ANKRD28: variants seen among roughly 807,000 people sequenced by gnomAD.
ANKRD28 encodes ankyrin repeat domain 28, also known as serine/threonine-protein phosphatase 6 regulatory ankyrin repeat subunit A.
A neutral mutation model predicts 126.5 loss-of-function variants in ANKRD28; 44 were observed. That is an observed-to-expected ratio of 0.35 (90% CI 0.27 to 0.45). The LOEUF (loss-of-function observed/expected upper bound fraction) is 0.45, where lower values mean the gene tolerates loss of function less well. Ranked by LOEUF, ANKRD28 falls within the 20% of genes least tolerant of loss-of-function variation. The pLI, the probability that ANKRD28 is intolerant of heterozygous loss-of-function variation, is 1.00. For synonymous variants in ANKRD28, 442 were observed against 468.5 expected, an observed-to-expected ratio of 0.94 and a Z score of 0.73; for missense variants, 1,110 against 1,316.6, an observed-to-expected ratio of 0.84 and a Z score of 2.43.
intron 2 of ANKRD28, among the ~76,000 whole-genome samples, chr3:15,777,929 C>T (rs148547701): frequency 6.0e-5 from 9 of 150,886 alleles, no homozygotes; most frequent in African/African-American, 1.7e-4. Context: ...CCCGTCAATA[C>T]CCACACATAA....
intron 8 of ANKRD28, among the ~76,000 whole-genome samples, chr3:15,717,445 T>C (rs1461531026): frequency 1.3e-5 from 2 of 152,156 alleles, no homozygotes; most frequent in Non-Finnish European, 2.9e-5. Context: ...AGTTATTTCT[T>C]TCTGAACTGG....
At chr3:15,741,720 T>A (rs936868211) in intron 4 of ANKRD28, among the ~76,000 whole-genome samples, 2 of 125,216 alleles carry the variant, frequency 1.6e-5, no homozygotes, top group African/African-American at 6.9e-5. Flanking sequence ...TTTTTTTTTT[T>A]TTTTTTTTTT....
At chr3:15,794,481 A>G (rs531762731) in intron 2 of ANKRD28, among the ~76,000 whole-genome samples, 1 of 152,292 alleles carries the variant, frequency 6.6e-6, no homozygotes, top group East Asian at 1.9e-4. Flanking sequence ...TCAGGGGTAC[A>G]TTTGTTTCTG....
At chr3:15,811,313 A>G (rs1481222481) in intron 1 of ANKRD28, among the ~76,000 whole-genome samples, 1 of 152,246 alleles carries the variant, frequency 6.6e-6, no homozygotes, top group Non-Finnish European at 1.5e-5. Context: ...TACTCAACTC[A>G]TTTAAGTAGG....
intron 1 of ANKRD28, among the ~76,000 whole-genome samples, chr3:15,795,673 C>T (rs1249173787): frequency 6.6e-6 from 1 of 152,036 alleles, no homozygotes; most frequent in Non-Finnish European, 1.5e-5. Context: ...TAAGCAATTT[C>T]CAGCCCATGA....
chr3:15,700,297 G>A (rs1268334304), intron 14 of ANKRD28, among the ~76,000 whole-genome samples: 1 of 152,024 alleles, frequency 6.6e-6, no homozygotes, highest in African/African-American at 2.4e-5. Context: ...GGGCCTGTCC[G>A]GGGTGGGGGC....
intron 3 of ANKRD28, chr3:15,756,479 CTTACA>C: frequency 1.0e-6 from 1 of 985,068 alleles, no homozygotes; most frequent in Non-Finnish European, 1.2e-6. Flanking sequence ...GATTTACTTA[CTTACA>C]TTAGTCTAGG....
chr3:15,738,779 A>G (rs1056058269), intron 4 of ANKRD28: 1 of 152,268 alleles, frequency 6.6e-6, no homozygotes, highest in Non-Finnish European at 1.5e-5. Context: ...AACTGGTCTG[A>G]CCAAAATTTA....
Position 15,667,466 on chromosome 3 carries a change from TA to T in ANKRD28, c.*2803del, listed in dbSNP as rs1370943103. The T allele has an allele frequency of 6.6e-6, 1 of 152,236 alleles. No individual in the cohort carries two copies. Among genetic ancestry groups the T allele is most frequent in the Non-Finnish European group, 1.5e-5 (1 of 68,050 alleles). 9.4% of individuals were successfully genotyped at this position (152,236 alleles called of 1,614,324 possible). On this transcript the variant is annotated 3_prime_UTR_variant, in exon 28 of 28. Coordinates refer to ENST00000683139, the MANE Select transcript of ANKRD28 (RefSeq NM_001349278.2). Reference sequence around the variant, plus strand: ...TATTTCAGATGTCATCTTTTATGTATAAGTTAAATAAAGCAAACAGGCTTTT... The same window carrying T: ...TATTTCAGATGTCATCTTTTATGTATAGTTAAATAAAGCAAACAGGCTTTT...
rs78671831 is a variant in ANKRD28, at chr3:15,691,707, T to C, written c.1762-1487A>G. ...ACTATCTCAAAGATTAAAGTGACTG[T>C]AGGTCACGGAATTCTACTGTTTTAG... On this transcript the variant is annotated intron_variant, in intron 17 of 27. Transcript: ENST00000683139. Among the ~76,000 whole-genome samples the C allele has an allele frequency of 0.022, 3,399 of 152,344 alleles. 230 individuals carry two copies. The East Asian group carries it at 0.24, about 11-fold the overall frequency.
chr3:15,744,705 C>T (rs1553616690), intron 4 of ANKRD28, among the ~76,000 whole-genome samples: 1 of 152,182 alleles, frequency 6.6e-6, no homozygotes, highest in Non-Finnish European at 1.5e-5. Context: ...CTGCTATAAA[C>T]ATGTGTGTAC....
intron 27 of ANKRD28, among the ~76,000 whole-genome samples, chr3:15,672,529 G>A (rs1352409059): frequency 6.6e-6 from 1 of 152,232 alleles, no homozygotes; most frequent in East Asian, 1.9e-4. Context: ...TTTGGCAGCA[G>A]TGGCTGAAGG....
At position 15,829,334 on chromosome 3, in the gene ANKRD28, G is replaced by A. The variant is rs183705198; in HGVS notation, c.27+30043C>T. Among the ~76,000 whole-genome samples the A allele has an allele frequency of 2.7e-3, 407 of 152,278 alleles. 1 individual carries two copies. The highest frequency in any genetic ancestry group is 9.5e-3 in the African/African-American group (393 of 41,568). ...TTTTGCATTCAATTTGCTGCAATAA[G>A]TTATCATGGTTCAAGTATATGAAGA... On this transcript the variant is annotated intron_variant, in intron 1 of 27. Transcript: ENST00000399451.
intron 22 of ANKRD28, 25 bp from the exon 23 acceptor site, chr3:15,679,409 T>A (rs1439298490): frequency 1.9e-6 from 3 of 1,613,444 alleles, no homozygotes; most frequent in Non-Finnish European, 2.5e-6. Context: ...AAGGTGATCA[T>A]TCTCACAGCA....
At chr3:15,808,793 T>A (rs1425001728) in intron 1 of ANKRD28, among the ~76,000 whole-genome samples, 3 of 152,174 alleles carry the variant, frequency 2.0e-5, no homozygotes, top group Non-Finnish European at 4.4e-5. Context: ...TTCGACCCAC[T>A]GCAATCTAGC....
intron 24 of ANKRD28, 145 bp from the exon 25 acceptor site, chr3:15,677,707 C>CAT (rs1478193665): frequency 4.0e-6 from 2 of 504,374 alleles, no homozygotes; most frequent in African/African-American, 3.8e-5. Flanking sequence ...TAATATATAA[C>CAT]ATATATATCT....
chr3:15,677,358 T>C (rs767360543), intron 25 of ANKRD28, 122 bp downstream of exon 25: 3 of 700,510 alleles, frequency 4.3e-6, no homozygotes, highest in Non-Finnish European at 4.8e-6. Context: ...GTTCAAGAAA[T>C]CTAATACCAG....
rs1179215605 is a variant in ANKRD28, at chr3:15,686,079, A to G, written c.2092T>C (p.Cys698Arg). The change falls in exon 20 of 28, where the codon TGT (cysteine) becomes CGT (arginine). Residue 698 changes from cysteine (C) to arginine (R), a missense_variant. Transcript: ENST00000683139. ...CCTTTGTTCAGCAATGAGTAAACAC[A>G]GTCTGTGTGCCCGTTGAGAACAGAT... Reference protein sequence around the residue: ...MLSVLNGHTDCVYSLLNKGAN... With the variant: ...MLSVLNGHTDRVYSLLNKGAN... 1 of 1,613,688 alleles carries G rather than the reference A, an allele frequency of 6.2e-7. No homozygotes were observed. The highest frequency in any genetic ancestry group is 1.7e-5 in the Admixed American group (1 of 60,008).
intron 1 of ANKRD28, among the ~76,000 whole-genome samples, chr3:15,840,901 G>A (rs531402117): frequency 2.0e-5 from 3 of 152,354 alleles, no homozygotes; most frequent in African/African-American, 4.8e-5. Flanking sequence ...AGCACTTTGG[G>A]AGGCCGAGGT....
Sources: gnomAD v4.1 joint callset for allele counts (sites outside exome capture counted in the v4.1 genomes callset) on GRCh38, gnomAD v4.1.1 for gene constraint, MANE v1.5 for transcripts, NCBI Gene and HGNC (gene_info 2026-07-23, HGNC 2026-07-21) for gene names.